The following TEX15 variants were observed in gnomAD, a reference collection of about 807,000 sequenced individuals.
TEX15 encodes testis expressed 15, meiosis and synapsis associated, also known as testis-expressed protein 15.
In TEX15, 171 loss-of-function variants were observed where a neutral mutation model predicts 237.3. That is an observed-to-expected ratio of 0.72 (90% CI 0.64 to 0.82). TEX15 has a LOEUF of 0.82. TEX15 is among the 40% of genes least tolerant of loss of function. The pLI, the probability that TEX15 is intolerant of heterozygous loss-of-function variation, is 0.00. For missense variants in TEX15, 3,750 were observed against 3,646.5 expected (o/e 1.03, Z -0.73); for synonymous variants, 1,338 against 1,269.8 (o/e 1.05, Z -1.14).
intron 1 of TEX15, among the ~76,000 whole-genome samples, chr8:30,911,156 G>A (rs1563282833): frequency 2.0e-5 from 3 of 152,086 alleles, no homozygotes; most frequent in African/African-American, 4.8e-5. Context: ...GTCTCGCTCT[G>A]TCGCCCGGGC....
At position 30,912,984 on chromosome 8, in the gene TEX15, C is replaced by G. The variant is rs1398894812; in HGVS notation, c.-191G>C. On this transcript the variant is annotated 5_prime_UTR_variant, in exon 1 of 11. Transcript: ENST00000643185. ...GAAGCCTCAGGAACACAGCAGCACC[C>G]CCCAGCGAGGTGCGCACAGTGAGCA... 4 of 152,438 alleles carry G rather than the reference C, an allele frequency of 2.6e-5. No individual in the cohort carries two copies. Among genetic ancestry groups the G allele is most frequent in the Admixed American group, 2.0e-4 (3 of 15,290 alleles). The allele number at this position is 152,438 out of a possible 1,614,324, so 9.4% of individuals were successfully genotyped here. A position where few individuals can be genotyped will look rare whatever the true frequency, so the allele number is the denominator to read the frequency against.
intron 3 of TEX15, 60 bp from the exon 4 acceptor site, chr8:30,875,162 A>C (rs1808374852): frequency 2.8e-6 from 3 of 1,082,902 alleles, no homozygotes; most frequent in African/African-American, 3.3e-5. Flanking sequence ...ACATCTGTAC[A>C]ATGACAACTG....
Position 30,843,179 on chromosome 8 carries a change from TA to T in TEX15, c.6987del (p.Ile2330LeufsTer8). ...SKDLNNEPIS[P>X]IGLEEDTIIA... is the part of the protein sequence containing the mutation. ...ATTATAGTATCCTCCTCAAGCCCAA[TA>T]GGGGAAATTGGTTCATTGTTTAAAT... On this transcript the variant is annotated frameshift_variant, in exon 8 of 11. Coordinates refer to ENST00000643185, the MANE Select transcript of TEX15 (RefSeq NM_001350162.2). LOFTEE classifies it high-confidence loss of function. The T allele has an allele frequency of 6.2e-7, 1 of 1,613,436 alleles. No homozygotes were observed. Among genetic ancestry groups the T allele is most frequent in the Non-Finnish European group, 8.5e-7 (1 of 1,179,628 alleles).
chr8:30,844,146 T>G lies in TEX15; in HGVS notation c.6021A>C (p.Ala2007=), dbSNP rs900047184. The part of the protein sequence containing the change: ...IANLSQILQR[A]DEASSLQILQ... ...GAATCTGCAAAGATGATGCTTCATC[T>G]GCCCTCTGCAAAATTTGAGATAGAT... is the stretch of plus-strand genomic sequence containing the variant. The change falls in exon 8 of 11, where the codon GCA becomes GCC. Residue 2007 remains alanine (A), a synonymous_variant. Coordinates refer to ENST00000643185, the MANE Select transcript of TEX15 (RefSeq NM_001350162.2). 2 of 1,613,170 alleles carry G rather than the reference T, an allele frequency of 1.2e-6. No individual in the cohort carries two copies. Among genetic ancestry groups the G allele is most frequent in the African/African-American group, 2.7e-5 (2 of 74,890 alleles).
chr8:30,876,569 G>C (rs148106822), intron 3 of TEX15, among the ~76,000 whole-genome samples: 155 of 152,246 alleles, frequency 1.0e-3, no homozygotes, highest in African/African-American at 3.4e-3. Context: ...GGTGAGGCCT[G>C]ATGTACAGAT....
intron 8 of TEX15, among the ~76,000 whole-genome samples, chr8:30,840,611 T>C (rs540501202): frequency 1.3e-5 from 2 of 152,318 alleles, no homozygotes; most frequent in East Asian, 3.9e-4. Flanking sequence ...CAATATGAAT[T>C]TTCCTTTCTA....
intron 7 of TEX15, among the ~76,000 whole-genome samples, chr8:30,853,354 C>G (rs1041342041): frequency 1.3e-5 from 2 of 152,186 alleles, no homozygotes; most frequent in African/African-American, 4.8e-5. Flanking sequence ...GCCTATGGAA[C>G]ACCCTGCCTG....
rs1277623893 is a variant in TEX15, at chr8:30,837,298, G to C, written c.8986C>G (p.Leu2996Val). 2 of 1,614,194 alleles carry C rather than the reference G, an allele frequency of 1.2e-6. No individual in the cohort carries two copies. The change falls in exon 10 of 11, where the codon CTT (leucine) becomes GTT (valine). Residue 2996 changes from leucine to valine, a missense_variant. Leu to Val is a conservative substitution (Grantham distance 32). Coordinates refer to ENST00000643185, the MANE Select transcript of TEX15 (RefSeq NM_001350162.2). ...TTTTTGTCATTCTGTTGTTCAGAAA[G>C]AGAGTACTCTGCTCCTTGATTCACA... ...LNVNQGAEYS[L>V]SEQQNDKNSK...
At chr8:30,857,750 A>G (rs1268050243) in intron 7 of TEX15, among the ~76,000 whole-genome samples, 1 of 152,226 alleles carries the variant, frequency 6.6e-6, no homozygotes, top group Admixed American at 6.5e-5. Flanking sequence ...AAACACTGAA[A>G]AAGTCTGACA....
chr8:30,839,405 T>C (rs551156114), intron 9 of TEX15, among the ~76,000 whole-genome samples: 4 of 150,348 alleles, frequency 2.7e-5, no homozygotes, highest in Admixed American at 6.7e-5. Context: ...GTTTTGAAAT[T>C]TGCCATTCTT....
At chr8:30,863,674 A>C (rs1808097932) in intron 5 of TEX15, among the ~76,000 whole-genome samples, 1 of 147,560 alleles carries the variant, frequency 6.8e-6, no homozygotes, top group Non-Finnish European at 1.5e-5. Context: ...GCCAGACATA[A>C]AAAAAAAATA....
At chr8:30,889,948 T>C (rs866404376) in intron 2 of TEX15, among the ~76,000 whole-genome samples, 3,070 of 119,364 alleles carry the variant, frequency 0.026, 224 homozygotes, top group African/African-American at 0.11. Flanking sequence ...TATATATATA[T>C]ATATACATAT....
chr8:30,864,589 A>G (rs928614006), intron 5 of TEX15, among the ~76,000 whole-genome samples: 6 of 151,076 alleles, frequency 4.0e-5, no homozygotes, highest in African/African-American at 1.5e-4. Flanking sequence ...GAAATGAAGA[A>G]GAAATAGGAG....
In TEX15 at chr8:30,859,144, T is replaced by C. The variant is rs368910472; in HGVS notation, c.688-314A>G. On this transcript the variant is annotated intron_variant, in intron 6 of 10. Transcript: ENST00000643185. The stretch of plus-strand genomic sequence containing the variant: ...CTCTATTTTATTTGGTAGAAAAAAT[T>C]AGGAAAATAACAATAGGTAATCTGT... Among the ~76,000 whole-genome samples, 19 of 152,164 alleles carry C rather than the reference T, an allele frequency of 1.2e-4. No homozygotes were observed. The South Asian group carries it at 3.9e-3, about 32-fold the overall frequency.
intron 1 of TEX15, among the ~76,000 whole-genome samples, chr8:30,903,307 G>A (rs1809040243): frequency 6.6e-6 from 1 of 152,204 alleles, no homozygotes; most frequent in African/African-American, 2.4e-5. Context: ...AAGAGCCCAG[G>A]CTATGGGGAG....
At chr8:30,863,818 A>C (rs1054557169) in intron 5 of TEX15, among the ~76,000 whole-genome samples, 1 of 152,182 alleles carries the variant, frequency 6.6e-6, no homozygotes, top group Non-Finnish European at 1.5e-5. Context: ...ACAACAATCA[A>C]AAAACAGAAA....
At position 30,849,151 on chromosome 8, in the gene TEX15, A is replaced by G. The variant is rs1490495687; in HGVS notation, c.1016T>C (p.Ile339Thr). The G allele has an allele frequency of 6.4e-7, 1 of 1,563,070 alleles. No individual in the cohort carries two copies. Among genetic ancestry groups the G allele is most frequent in the Non-Finnish European group, 8.7e-7 (1 of 1,155,738 alleles). Residue 339 changes from isoleucine to threonine, a missense_variant, in exon 8 of 11, where the codon ATT becomes ACT. By Grantham distance (89) the Ile-to-Thr change is moderately conservative. Coordinates refer to ENST00000643185, the MANE Select transcript of TEX15 (RefSeq NM_001350162.2). ...NSEINPFISN[I>T]SNSYGNVQNG... ...TTGTACATTTCCATAGGAGTTAGAA[A>G]TATTTGAGATGAAAGGATTTATCTC... is the stretch of plus-strand genomic sequence containing the variant.
At chr8:30,849,838 G>A (rs1329318044) in intron 7 of TEX15, among the ~76,000 whole-genome samples, 11 of 151,960 alleles carry the variant, frequency 7.2e-5, no homozygotes, top group Non-Finnish European at 1.6e-4. Context: ...GGTGGAGGTT[G>A]CAGCGAGCCG....
intron 10 of TEX15, among the ~76,000 whole-genome samples, chr8:30,834,741 T>C (rs894558554): frequency 1.3e-5 from 2 of 152,144 alleles, no homozygotes; most frequent in East Asian, 1.9e-4. Flanking sequence ...ACGTTGGACA[T>C]AGAGGACTGT....
Sources: allele counts gnomAD v4.1 joint callset (sites outside exome capture counted in the v4.1 genomes callset), GRCh38; gene constraint gnomAD v4.1.1; transcripts MANE v1.5; gene names NCBI Gene and HGNC (gene_info 2026-07-23, HGNC 2026-07-21).